Variants in MEAK7 observed in about 807,000 individuals in gnomAD.
The protein encoded by MEAK7 is MTOR-associated protein MEAK7.
A neutral mutation model predicts 40.5 loss-of-function variants in MEAK7; 68 were observed. The ratio of observed to expected loss-of-function variants is 1.68; its 90% CI spans 1.38 to 2.06. MEAK7 has a LOEUF of 2.06. Among genes scored for constraint, MEAK7 ranks in the 30% most tolerant of loss-of-function variants. The pLI is 0.00. For synonymous variants in MEAK7, 338 were observed against 231.9 expected (o/e 1.46, Z -4.16); for missense variants, 918 against 580.5 (o/e 1.58, Z -5.98).
chr16:84,495,791 T>G lies in MEAK7; in HGVS notation c.276A>C (p.Thr92=). Residue 92 remains threonine (T), a synonymous_variant, in exon 3 of 8, where the codon ACA becomes ACC. Transcript: ENST00000343629. ...CTTTCAACAGGTGGGACATGGATGC[T>G]GTGAACTGCTCCTGGGACACGTTCT... ...PSENVSQEQF[T]ASMSHLLKGN... is the part of the protein sequence containing the mutation. 6.2e-7 allele frequency: 1 copy of G among 1,614,142 alleles called. No homozygotes were observed. Among genetic ancestry groups the G allele is most frequent in the Non-Finnish European group, 8.5e-7 (1 of 1,180,022 alleles).
In MEAK7 at chr16:84,479,889, C is replaced by G; in HGVS notation, c.*24G>C. 3 of 1,564,162 alleles carry G rather than the reference C, an allele frequency of 1.9e-6. No individual in the cohort carries two copies. Among genetic ancestry groups the G allele is most frequent in the Non-Finnish European group, 8.7e-7 (1 of 1,147,146 alleles). ...CTACCCAGAGGAATCCAGGTCCTGG[C>G]TCCAGGAAGGCTCAGGCGGCTCCTC... On this transcript the variant is annotated 3_prime_UTR_variant, in exon 8 of 8. Coordinates refer to ENST00000343629, the MANE Select transcript of MEAK7 (RefSeq NM_020947.4).
At chr16:84,481,793 G>A (rs1322704184) in intron 6 of MEAK7, among the ~76,000 whole-genome samples, 1 of 152,116 alleles carries the variant, frequency 6.6e-6, no homozygotes, top group East Asian at 1.9e-4. Context: ...AATTAGCCAG[G>A]CGTGATAGCG....
Position 84,479,980 on chromosome 16 carries a change from G to A in MEAK7, c.1304C>T (p.Ala435Val), listed in dbSNP as rs898469036. Reference sequence around the variant, plus strand: ...CGAATGCCCACTGATCTCCAGCAGGGCCTGGGCCTCAGGGTCCGCATCCAG... The same window carrying A: ...CGAATGCCCACTGATCTCCAGCAGGACCTGGGCCTCAGGGTCCGCATCCAG... ...SILDADPEAQ[A>V]LLEISGHSRH... Residue 435 changes from alanine (A) to valine (V), a missense_variant, in exon 8 of 8, where the codon GCC (alanine) becomes GTC (valine). By Grantham distance (64) the Ala-to-Val change is moderately conservative. Transcript: ENST00000343629. 3 of 1,609,396 alleles carry A rather than the reference G, an allele frequency of 1.9e-6. No homozygotes were observed. Among genetic ancestry groups the A allele is most frequent in the Non-Finnish European group, 2.5e-6 (3 of 1,176,882 alleles).
At chr16:84,498,621 C>T (rs532977077) in intron 1 of MEAK7, among the ~76,000 whole-genome samples, 1 of 152,054 alleles carries the variant, frequency 6.6e-6, no homozygotes, top group Non-Finnish European at 1.5e-5. Context: ...ACAAACAAAG[C>T]TGGAAAAGCC....
chr16:84,500,714 G>A (rs1369123851), intron 1 of MEAK7, among the ~76,000 whole-genome samples: 2 of 152,158 alleles, frequency 1.3e-5, no homozygotes, highest in Admixed American at 6.5e-5. Flanking sequence ...CTCCAGCCTG[G>A]ACTCAATGTC....
chr16:84,493,750 G>A (rs1337249714), intron 3 of MEAK7, among the ~76,000 whole-genome samples: 1 of 152,112 alleles, frequency 6.6e-6, no homozygotes, highest in Non-Finnish European at 1.5e-5. Context: ...GGACATAATT[G>A]GAAACACTGG....
chr16:84,493,045 T>C (rs761895510), intron 3 of MEAK7, among the ~76,000 whole-genome samples: 62 of 152,230 alleles, frequency 4.1e-4, no homozygotes, highest in Non-Finnish European at 8.8e-5. Flanking sequence ...GGAAGCACTG[T>C]CAAATATGAA....
intron 3 of MEAK7, among the ~76,000 whole-genome samples, chr16:84,492,162 T>C (rs986726189): frequency 3.9e-5 from 6 of 152,188 alleles, no homozygotes; most frequent in African/African-American, 1.4e-4. Flanking sequence ...GGGCCGATTT[T>C]GAGAGAGAAA....
intron 6 of MEAK7, 100 bp downstream of exon 6, chr16:84,482,492 C>T: frequency 1.9e-6 from 3 of 1,575,204 alleles, no homozygotes; most frequent in Non-Finnish European, 2.6e-6. Flanking sequence ...GAACTGAATG[C>T]CACGCGCCCT....
rs370148961 is a variant in MEAK7, at chr16:84,483,149, C to T, written c.959-439G>A. On this transcript the variant is annotated intron_variant, in intron 5 of 7. Transcript: ENST00000343629. ...TAGTGCTGACCCCGGCCTGAAAGAA[C>T]GTACCATGCAGAGAGAGAAAACCTG... Among the ~76,000 whole-genome samples, 29 of 152,340 alleles carry T rather than the reference C, an allele frequency of 1.9e-4. No homozygotes were observed. The South Asian group carries it at 4.8e-3, about 25-fold the overall frequency.
rs1399977667 is a variant in MEAK7, at chr16:84,477,960, T to C, written c.*1953A>G. 2.0e-5 allele frequency: 3 copies of C among 152,218 alleles called. No homozygotes were observed. The highest frequency in any genetic ancestry group is 6.5e-5 in the Admixed American group (1 of 15,278). 9.4% of individuals were successfully genotyped at this position (152,218 alleles called of 1,614,324 possible). ...TAGAACAAGCTCAGGGTGGAAAGCA[T>C]GTGAGTGGACAAAGTCCTAACCTTT... is the stretch of plus-strand genomic sequence containing the variant. On this transcript the variant is annotated 3_prime_UTR_variant, in exon 8 of 8. Coordinates refer to ENST00000343629, the MANE Select transcript of MEAK7 (RefSeq NM_020947.4).
At chr16:84,504,201 C>CA (rs1914712418) in intron 1 of MEAK7, 4 of 970,564 alleles carry the variant, frequency 4.1e-6, no homozygotes, top group Admixed American at 6.2e-5. Flanking sequence ...ACCCCCTCCA[C>CA]ACACACTTCA....
chr16:84,478,862 A>C lies in MEAK7; in HGVS notation c.*1051T>G, dbSNP rs554273530. On this transcript the variant is annotated 3_prime_UTR_variant, in exon 8 of 8. Coordinates refer to ENST00000343629, the MANE Select transcript of MEAK7 (RefSeq NM_020947.4). ...ACCGAGGCCTAGACAGCTGTGACTC[A>C]GGTGCTGGTTCCCAGAGGTCTAGAA... 6.6e-6 allele frequency: 1 copy of C among 152,234 alleles called. No homozygotes were observed. Among genetic ancestry groups the C allele is most frequent in the Admixed American group, 6.5e-5 (1 of 15,280 alleles). 9.4% of individuals were successfully genotyped at this position (152,234 alleles called of 1,614,324 possible). A position where few individuals can be genotyped will look rare whatever the true frequency, so the allele number is the denominator to read the frequency against.
At chr16:84,482,731 A>G in intron 5 of MEAK7, 21 bp from the exon 6 acceptor site, 9 of 1,613,650 alleles carry the variant, frequency 5.6e-6, no homozygotes, top group Non-Finnish European at 7.6e-6. Flanking sequence ...CCAGAGAACA[A>G]AACAAACAGG....
At position 84,504,649 on chromosome 16, in the gene MEAK7, C is replaced by T. The variant is rs928148271; in HGVS notation, c.-74G>A. The T allele has an allele frequency of 2.2e-5, 22 of 985,526 alleles. No individual in the cohort carries two copies. The highest frequency in any genetic ancestry group is 2.4e-5 in the Non-Finnish European group (20 of 830,044). The allele number at this position is 985,526 out of a possible 1,614,324, so 61.0% of individuals were successfully genotyped here. On this transcript the variant is annotated 5_prime_UTR_variant, in exon 1 of 8. Coordinates refer to ENST00000343629, the MANE Select transcript of MEAK7 (RefSeq NM_020947.4). ...CCGGTCCGGTCCAGCAGCCCACGGG[C>T]TCCTCTCGAGAGCCGCCCCTTCCCT...
intron 5 of MEAK7, among the ~76,000 whole-genome samples, chr16:84,482,932 T>C (rs762838855): frequency 6.6e-6 from 1 of 152,150 alleles, no homozygotes; most frequent in East Asian, 1.9e-4. Flanking sequence ...GAATGGGACA[T>C]CTTTTAGCTC....
intron 2 of MEAK7, 44 bp from the exon 3 acceptor site, chr16:84,495,957 T>C (rs1439829721): frequency 6.3e-7 from 1 of 1,594,612 alleles, no homozygotes; most frequent in African/African-American, 1.3e-5. Context: ...AGTGCACAAG[T>C]TGAACTTGGT....
intron 3 of MEAK7, among the ~76,000 whole-genome samples, chr16:84,494,366 A>G (rs1381167347): frequency 6.6e-6 from 1 of 152,176 alleles, no homozygotes; most frequent in Non-Finnish European, 1.5e-5. Context: ...ATTTGGACTG[A>G]ACCCTAGAAT....
chr16:84,496,174 T>A (rs1914031327), intron 2 of MEAK7, among the ~76,000 whole-genome samples: 1 of 152,180 alleles, frequency 6.6e-6, no homozygotes, highest in Non-Finnish European at 1.5e-5. Context: ...TCCCCACATG[T>A]TCCTGGCAAC....
Sources: allele counts gnomAD v4.1 joint callset (sites outside exome capture counted in the v4.1 genomes callset), GRCh38; gene constraint gnomAD v4.1.1; transcripts MANE v1.5; gene names NCBI Gene and HGNC (gene_info 2026-07-23, HGNC 2026-07-21).